GALNT1: variants seen among roughly 807,000 people sequenced by gnomAD.
GALNT1 encodes GalNAc transferase 1.
A neutral mutation model predicts 65.7 loss-of-function variants in GALNT1; 17 were observed. The ratio of observed to expected loss-of-function variants is 0.26; its 90% CI spans 0.18 to 0.39. GALNT1 has a LOEUF of 0.39. Ranked by LOEUF, GALNT1 falls within the 10% of genes least tolerant of loss-of-function variation. The probability of loss-of-function intolerance (pLI) is 1.00; values close to 1 mark genes in which losing one functional copy is unlikely to be tolerated. For synonymous variants in GALNT1, 210 were observed against 219.7 expected, an observed-to-expected ratio of 0.96 and a Z score of 0.39; for missense variants, 460 against 672.8, an observed-to-expected ratio of 0.68 and a Z score of 3.50.
At chr18:35,705,852 C>T (rs2048248866) in intron 11 of GALNT1, among the ~76,000 whole-genome samples, 1 of 152,144 alleles carries the variant, frequency 6.6e-6, no homozygotes, top group Admixed American at 6.5e-5. Flanking sequence ...CTTAGCTTTT[C>T]CTTGTGGCCA....
chr18:35,620,447 C>G (rs1057115058), intron 1 of GALNT1, among the ~76,000 whole-genome samples: 3 of 152,144 alleles, frequency 2.0e-5, no homozygotes, highest in African/African-American at 7.2e-5. Context: ...GAACAACTAG[C>G]AGTCAGCCAT....
chr18:35,701,071 CT>C lies in GALNT1; in HGVS notation c.1300-1814del, dbSNP rs998960203. Among the ~76,000 whole-genome samples the C allele has an allele frequency of 2.3e-3, 340 of 146,500 alleles. 2 individuals are homozygous for C. The highest frequency in any genetic ancestry group is 0.011 in the Middle Eastern group (3 of 284). ...ATACTCATCTTTATCACAATATGAA[CT>C]TTTTTTTTTTTCTTTAAGAGACAGG... is the stretch of plus-strand genomic sequence containing the variant. On this transcript the variant is annotated intron_variant, in intron 9 of 11. Coordinates refer to ENST00000269195, the MANE Select transcript of GALNT1 (RefSeq NM_020474.4).
At chr18:35,600,989 CT>C (rs113316616) in intron 1 of GALNT1, among the ~76,000 whole-genome samples, 14,463 of 151,926 alleles carry the variant, frequency 0.095, 828 homozygotes, top group African/African-American at 0.17. Context: ...CTTCTCTTTA[CT>C]TTTTTGGAAT....
At chr18:35,599,800 T>G (rs865863334) in intron 1 of GALNT1, among the ~76,000 whole-genome samples, 8 of 152,214 alleles carry the variant, frequency 5.3e-5, no homozygotes, top group Admixed American at 2.0e-4. Context: ...CCCCAGTGAT[T>G]ATTCTTCTTG....
Position 35,687,168 on chromosome 18 carries a change from ATCGGACTCT to A in GALNT1, c.845_853del (p.Arg282_Leu284del). 1 of 1,613,400 alleles carries A rather than the reference ATCGGACTCT, an allele frequency of 6.2e-7. No individual in the cohort carries two copies. The highest frequency in any genetic ancestry group is 8.5e-7 in the Non-Finnish European group (1 of 1,179,676). ...AGAGAAATGGACAGAAGGAAAGGTG[ATCGGACTCT>A]TCCTGTCAGGTAATTAATTTGTCAG... On this transcript the variant is annotated inframe_deletion, in exon 6 of 12. Transcript: ENST00000269195.
chr18:35,690,989 A>G (rs1032412729), intron 7 of GALNT1, 23 bp from the exon 8 acceptor site: 2 of 1,552,318 alleles, frequency 1.3e-6, no homozygotes, highest in African/African-American at 1.4e-5. Flanking sequence ...TACATGTTAC[A>G]TGGTCATCTC....
At chr18:35,646,563 C>T (rs555146629) in intron 1 of GALNT1, among the ~76,000 whole-genome samples, 1 of 152,136 alleles carries the variant, frequency 6.6e-6, no homozygotes, top group Admixed American at 6.5e-5. Flanking sequence ...CTTAAGCATC[C>T]TTCTGACATG....
chr18:35,709,567 G>A, intron 11 of GALNT1, 57 bp from the exon 12 acceptor site: 1 of 1,574,746 alleles, frequency 6.4e-7, no homozygotes, highest in Non-Finnish European at 8.7e-7. Flanking sequence ...CACCAAAACT[G>A]ATGCTTGAGG....
At chr18:35,608,471 G>T (rs1598782955) in intron 1 of GALNT1, among the ~76,000 whole-genome samples, 1 of 152,152 alleles carries the variant, frequency 6.6e-6, no homozygotes, top group African/African-American at 2.4e-5. Flanking sequence ...TGTGAAAAGA[G>T]TGTAAAACAC....
chr18:35,687,782 T>C (rs1021307583), intron 6 of GALNT1, among the ~76,000 whole-genome samples: 1 of 152,164 alleles, frequency 6.6e-6, no homozygotes, highest in Non-Finnish European at 1.5e-5. Context: ...TTTTAGAACA[T>C]GAAATTGAGA....
chr18:35,657,382 C>T (rs1325583286), intron 2 of GALNT1, among the ~76,000 whole-genome samples: 4 of 152,228 alleles, frequency 2.6e-5, no homozygotes, highest in Non-Finnish European at 4.4e-5. Flanking sequence ...GTGTGAACAA[C>T]CGCACCCAAC....
intron 1 of GALNT1, among the ~76,000 whole-genome samples, chr18:35,609,599 C>T (rs572499541): frequency 6.6e-6 from 1 of 152,224 alleles, no homozygotes; most frequent in Admixed American, 6.5e-5. Flanking sequence ...TAATTCTTCA[C>T]TGTCTTGGCA....
intron 1 of GALNT1, among the ~76,000 whole-genome samples, chr18:35,653,845 T>C (rs899239040): frequency 2.6e-5 from 4 of 152,228 alleles, no homozygotes; most frequent in Non-Finnish European, 4.4e-5. Flanking sequence ...TATAAAATTA[T>C]TGTCAGAGCC....
chr18:35,603,720 G>T (rs1024574951), intron 1 of GALNT1, among the ~76,000 whole-genome samples: 2 of 151,978 alleles, frequency 1.3e-5, no homozygotes, highest in Non-Finnish European at 2.9e-5. Flanking sequence ...GCAATCATTG[G>T]TGGACCCTGG....
At chr18:35,663,862 T>A in intron 3 of GALNT1, 60 bp downstream of exon 3, 1 of 1,510,900 alleles carries the variant, frequency 6.6e-7, no homozygotes, top group Non-Finnish European at 9.1e-7. Context: ...GAATTTTCAG[T>A]AAATTGCACT....
intron 1 of GALNT1, among the ~76,000 whole-genome samples, chr18:35,625,402 G>A (rs1407501808): frequency 6.6e-6 from 1 of 152,152 alleles, no homozygotes; most frequent in Non-Finnish European, 1.5e-5. Context: ...AAGAGAAGAG[G>A]CTTTATTTAT....
chr18:35,628,665 C>T (rs1320928631), intron 1 of GALNT1, among the ~76,000 whole-genome samples: 3 of 152,094 alleles, frequency 2.0e-5, no homozygotes, highest in African/African-American at 7.3e-5. Context: ...AGCACCTCTC[C>T]TCCTCCAAGG....
intron 1 of GALNT1, among the ~76,000 whole-genome samples, chr18:35,627,681 A>G (rs1048962357): frequency 2.0e-5 from 3 of 152,176 alleles, no homozygotes; most frequent in Middle Eastern, 3.4e-3. Context: ...TGCATTTCCA[A>G]CTGAGGTACC....
At chr18:35,709,287 A>G (rs2048317082) in intron 11 of GALNT1, among the ~76,000 whole-genome samples, 1 of 152,192 alleles carries the variant, frequency 6.6e-6, no homozygotes, top group Non-Finnish European at 1.5e-5. Flanking sequence ...AAGCACAAAA[A>G]AGAGAAGCTT....
Sources: gnomAD v4.1 joint callset for allele counts (sites outside exome capture counted in the v4.1 genomes callset) on GRCh38, gnomAD v4.1.1 for gene constraint, MANE v1.5 for transcripts, NCBI Gene and HGNC (gene_info 2026-07-23, HGNC 2026-07-21) for gene names.